COL24A1: variants seen among roughly 807,000 people sequenced by gnomAD.
The protein encoded by COL24A1 is collagen type XXIV alpha 1 chain.
COL24A1 carries 224 observed loss-of-function variants against 253.9 expected under a neutral mutation model. The ratio of observed to expected loss-of-function variants is 0.88; its 90% CI spans 0.79 to 0.99. The LOEUF is 0.99. Among genes scored for constraint, COL24A1 ranks in the 50% least tolerant of loss-of-function variants. COL24A1 has a pLI of 0.00. For missense variants in COL24A1, 2,131 were observed against 2,068.5 expected, an observed-to-expected ratio of 1.03 and a Z score of -0.59; for synonymous variants, 685 against 673.7, an observed-to-expected ratio of 1.02 and a Z score of -0.26.
intron 56 of COL24A1, 47 bp from the exon 57 acceptor site, chr1:85,744,881 C>A (rs368059958): frequency 1.4e-6 from 2 of 1,422,146 alleles, no homozygotes; most frequent in East Asian, 2.3e-5. Flanking sequence ...ATCCTGAGGA[C>A]CAACATGGGC....
intron 20 of COL24A1, among the ~76,000 whole-genome samples, chr1:85,976,311 A>G (rs1350414078): frequency 1.3e-5 from 2 of 152,178 alleles, no homozygotes; most frequent in Admixed American, 6.5e-5. Flanking sequence ...AGTAGGGCAC[A>G]TTGTCAGGGG....
At chr1:86,117,505 A>C (rs1706267508) in intron 3 of COL24A1, among the ~76,000 whole-genome samples, 2 of 152,224 alleles carry the variant, frequency 1.3e-5, no homozygotes, top group Admixed American at 1.3e-4. Flanking sequence ...TTGTTACAGC[A>C]GCCTGAACTA....
intron 20 of COL24A1, among the ~76,000 whole-genome samples, chr1:85,979,549 T>C (rs1460807773): frequency 1.3e-5 from 2 of 152,046 alleles, no homozygotes; most frequent in Non-Finnish European, 2.9e-5. Context: ...CAGCCTACTA[T>C]GAACACCTTT....
At chr1:85,735,163 T>C (rs1435358005) in intron 58 of COL24A1, among the ~76,000 whole-genome samples, 199 bp from the exon 59 acceptor site, 1 of 152,114 alleles carries the variant, frequency 6.6e-6, no homozygotes, top group African/African-American at 2.4e-5. Flanking sequence ...TAGTATTTCC[T>C]GACTCCTGTG....
At chr1:85,965,171 T>C in intron 22 of COL24A1, 109 bp from the exon 23 acceptor site, 1 of 772,848 alleles carries the variant, frequency 1.3e-6, no homozygotes, top group South Asian at 2.1e-5. Flanking sequence ...ATTTAAATAC[T>C]TTAAAATTAT....
At chr1:85,764,005 C>T (rs1369371063) in intron 53 of COL24A1, among the ~76,000 whole-genome samples, 2 of 152,142 alleles carry the variant, frequency 1.3e-5, no homozygotes, top group East Asian at 1.9e-4. Flanking sequence ...TGTTAGTCTT[C>T]CTTTTTGTAA....
intron 7 of COL24A1, among the ~76,000 whole-genome samples, chr1:86,074,289 A>G (rs895679753): frequency 6.0e-5 from 4 of 66,610 alleles, no homozygotes; most frequent in Non-Finnish European, 1.0e-4. Context: ...AAATGAAATC[A>G]AAAAAGGAAG....
intron 55 of COL24A1, among the ~76,000 whole-genome samples, chr1:85,755,028 GACAA>G: frequency 6.6e-6 from 1 of 152,166 alleles, no homozygotes. Flanking sequence ...TAATGCTATA[GACAA>G]AGAGAGAATT....
rs560791840 is a variant in COL24A1 at position 85,896,353 on chromosome 1, T to C, written c.2832+3A>G. The C allele has an allele frequency of 6.2e-7, 1 of 1,612,500 alleles. No homozygotes were observed. Among genetic ancestry groups the C allele is most frequent in the South Asian group, 1.1e-5 (1 of 90,990 alleles). The stretch of plus-strand genomic sequence containing the variant: ...ATATGAAATGAGAAAAATCAATGAT[T>C]ACCTTGGCACCTTGTATACCTTGTT... On this transcript the variant is annotated splice_donor_region_variant and intron_variant, in intron 29 of 59. Transcript: ENST00000370571.
intron 42 of COL24A1, among the ~76,000 whole-genome samples, chr1:85,840,167 T>C (rs1676443455): frequency 6.6e-6 from 1 of 152,110 alleles, no homozygotes; most frequent in Non-Finnish European, 1.5e-5. Context: ...ATTTATTACA[T>C]TTTAGGTGGC....
In COL24A1 at chr1:86,125,924, G is replaced by A. The variant is rs773900336; in HGVS notation, c.412C>T (p.Leu138=). ...ATGTGTACTACTAATTTTTTAGGTA[G>A]TAATTGTACTCCTAATTGCAGTCTA... ...KNRLQLGVQL[L]PKKLVVHIRG... Residue 138 remains leucine (L), a synonymous_variant, in exon 3 of 60, where the codon CTA becomes TTA. Coordinates refer to ENST00000370571, the MANE Select transcript of COL24A1 (RefSeq NM_152890.7). 6.2e-6 allele frequency: 10 copies of A among 1,613,212 alleles called. No homozygotes were observed. The highest frequency in any genetic ancestry group is 8.5e-6 in the Non-Finnish European group (10 of 1,179,702).
intron 2 of COL24A1, among the ~76,000 whole-genome samples, chr1:86,129,152 C>T (rs1648772732): frequency 6.6e-6 from 1 of 151,724 alleles, no homozygotes; most frequent in Admixed American, 6.6e-5. Flanking sequence ...TCCACTGCAC[C>T]TTGAGACAAT....
chr1:86,118,653 A>C (rs1427754164), intron 3 of COL24A1, among the ~76,000 whole-genome samples: 1 of 152,198 alleles, frequency 6.6e-6, no homozygotes, highest in Non-Finnish European at 1.5e-5. Flanking sequence ...TACAAATTTT[A>C]CTTAGTGACA....
chr1:85,873,129 A>T (rs987559546), intron 35 of COL24A1, among the ~76,000 whole-genome samples: 6 of 152,222 alleles, frequency 3.9e-5, no homozygotes, highest in East Asian at 1.9e-4. Context: ...TCAAAACCAC[A>T]ATGAGATACC....
rs1226836457 is a variant in COL24A1, at chr1:86,092,277, G to A, written c.1643C>T (p.Pro548Leu). The change falls in exon 6 of 60, where the codon CCT becomes CTT. Residue 548 changes from proline to leucine, a missense_variant. Transcript: ENST00000370571. Reference sequence around the variant, plus strand: ...TGGTCAAATAATTACCTTTTCTCCAGGAACAGGTTGACCTGGGGAAAATCC... The same window carrying A: ...TGGTCAAATAATTACCTTTTCTCCAAGAACAGGTTGACCTGGGGAAAATCC... ...DPGFSPGQPV[P>L]GEKGDQGLSG... 2 of 1,600,636 alleles carry A rather than the reference G, an allele frequency of 1.2e-6. No individual in the cohort carries two copies. Among genetic ancestry groups the A allele is most frequent in the South Asian group, 1.1e-5 (1 of 89,918 alleles).
intron 7 of COL24A1, among the ~76,000 whole-genome samples, chr1:86,077,537 G>A (rs559520372): frequency 5.3e-5 from 8 of 152,114 alleles, no homozygotes; most frequent in South Asian, 4.2e-4. Context: ...ACACATGCAC[G>A]CATATGTTTA....
intron 46 of COL24A1, among the ~76,000 whole-genome samples, chr1:85,817,562 G>C (rs1673168500): frequency 6.6e-6 from 1 of 152,068 alleles, no homozygotes; most frequent in African/African-American, 2.4e-5. Context: ...CTGGCCAGGA[G>C]AGGAAACTGA....
intron 53 of COL24A1, among the ~76,000 whole-genome samples, chr1:85,774,200 T>C (rs1476274003): frequency 1.3e-5 from 2 of 152,192 alleles, no homozygotes; most frequent in African/African-American, 4.8e-5. Flanking sequence ...TGAACGAGCC[T>C]TGCATCCCAG....
At chr1:86,131,017 C>T (rs1649091229) in intron 2 of COL24A1, among the ~76,000 whole-genome samples, 1 of 151,916 alleles carries the variant, frequency 6.6e-6, no homozygotes, top group African/African-American at 2.4e-5. Context: ...AGCCTTGTAC[C>T]TTAAATTTCA....
Sources: gnomAD v4.1 joint callset for allele counts (sites outside exome capture counted in the v4.1 genomes callset) on GRCh38, gnomAD v4.1.1 for gene constraint, MANE v1.5 for transcripts, NCBI Gene and HGNC (gene_info 2026-07-23, HGNC 2026-07-21) for gene names.